Variants in CDH8 observed in about 807,000 individuals in gnomAD.
CDH8 encodes the protein cadherin 8.
A neutral mutation model predicts 68.1 loss-of-function variants in CDH8; 17 were observed. The ratio of observed to expected loss-of-function variants is 0.25; its 90% CI spans 0.17 to 0.37. CDH8 has a LOEUF of 0.37. Among genes scored for constraint, CDH8 ranks in the 10% least tolerant of loss-of-function variants. CDH8 has a pLI of 1.00. For missense variants in CDH8, 763 were observed against 999.3 expected (o/e 0.76, Z 3.19); for synonymous variants, 372 against 365.1 (o/e 1.02, Z -0.21).
intron 4 of CDH8, among the ~76,000 whole-genome samples, chr16:61,844,592 C>G (rs1962765173): frequency 1.3e-5 from 2 of 152,086 alleles, no homozygotes; most frequent in Admixed American, 1.3e-4. Flanking sequence ...TAAGGCAATT[C>G]CCATTTTTAA....
chr16:61,653,217 A>G lies in CDH8; in HGVS notation c.*391T>C, dbSNP rs915352724. ...ATTCATAAAAATCCTTGCAGAAGAC[A>G]CATATCAGCAGCAGATTCCTTGCAG... On this transcript the variant is annotated 3_prime_UTR_variant, in exon 12 of 12. Coordinates refer to ENST00000577390, the MANE Select transcript of CDH8 (RefSeq NM_001796.5). The G allele has an allele frequency of 3.3e-6, 4 of 1,200,226 alleles. No homozygotes were observed. The highest frequency in any genetic ancestry group is 4.1e-6 in the Non-Finnish European group (4 of 969,612). The allele number at this position is 1,200,226 out of a possible 1,614,324, so 74.3% of individuals were successfully genotyped here.
intron 2 of CDH8, among the ~76,000 whole-genome samples, chr16:61,979,518 T>A (rs1342412611): frequency 6.6e-6 from 1 of 152,184 alleles, no homozygotes; most frequent in Non-Finnish European, 1.5e-5. Flanking sequence ...AACCTAGGCA[T>A]CCTTATAAAC....
intron 8 of CDH8, among the ~76,000 whole-genome samples, chr16:61,779,512 C>T (rs1456508602): frequency 6.7e-6 from 1 of 149,004 alleles, no homozygotes; most frequent in East Asian, 2.1e-4. Flanking sequence ...AAGTAAATTC[C>T]TGAAACTCTC....
chr16:61,890,302 A>G (rs1247375987), intron 3 of CDH8, among the ~76,000 whole-genome samples: 3 of 152,326 alleles, frequency 2.0e-5, no homozygotes, highest in South Asian at 2.1e-4. Flanking sequence ...ATAAAACTTA[A>G]GCATTAGCTA....
intron 2 of CDH8, among the ~76,000 whole-genome samples, chr16:62,001,819 C>T (rs1326686801): frequency 6.6e-6 from 1 of 152,138 alleles, no homozygotes; most frequent in Non-Finnish European, 1.5e-5. Flanking sequence ...TATCCCTTCC[C>T]CCTCGCCCTC....
chr16:61,653,553 T>C lies in CDH8; in HGVS notation c.*55A>G. The C allele has an allele frequency of 6.5e-7, 1 of 1,529,974 alleles. No homozygotes were observed. The highest frequency in any genetic ancestry group is 8.8e-7 in the Non-Finnish European group (1 of 1,140,772). The allele number at this position is 1,529,974 out of a possible 1,614,324, so 94.8% of individuals were successfully genotyped here. A position where few individuals can be genotyped will look rare whatever the true frequency, so the allele number is the denominator to read the frequency against. Reference sequence around the variant, plus strand: ...CCACATTGGTTGTATCTAAGGGGAGTGACCCTAGAATATTACAGAATGCTC... The same window carrying C: ...CCACATTGGTTGTATCTAAGGGGAGCGACCCTAGAATATTACAGAATGCTC... On this transcript the variant is annotated 3_prime_UTR_variant, in exon 12 of 12. Transcript: ENST00000577390.
intron 8 of CDH8, among the ~76,000 whole-genome samples, chr16:61,735,548 T>C (rs1596914322): frequency 6.6e-6 from 1 of 152,224 alleles, no homozygotes; most frequent in African/African-American, 2.4e-5. Context: ...TAGTTATATA[T>C]ATATATGTCC....
chr16:61,672,319 T>C (rs1185235711), intron 10 of CDH8, among the ~76,000 whole-genome samples: 1 of 152,134 alleles, frequency 6.6e-6, no homozygotes, highest in Admixed American at 6.6e-5. Context: ...TTCTTTATGA[T>C]GCATATTTCA....
At chr16:61,998,102 A>G (rs374967939) in intron 2 of CDH8, among the ~76,000 whole-genome samples, 1 of 152,204 alleles carries the variant, frequency 6.6e-6, no homozygotes. Flanking sequence ...GAAGTATTTT[A>G]TGGTAATGGA....
At position 61,960,200 on chromosome 16, in the gene CDH8, TACATATATACATGTGTGTGTGTATACAC is replaced by T. The variant is rs1567546089; in HGVS notation, c.253-58755_253-58728del. Among the ~76,000 whole-genome samples, 19 of 68,334 alleles carry T rather than the reference TACATATATACATGTGTGTGTGTATACAC, an allele frequency of 2.8e-4. 3 individuals are homozygous for T. The highest frequency in any genetic ancestry group is 8.0e-4 in the South Asian group (2 of 2,506). The allele number at this position is 68,334 out of a possible 152,430, so 44.8% of individuals were successfully genotyped here. ...ATATACATATGTGTGTGTATACACA[TACATATATACATGTGTGTGTGTATACAC>T]ACATATATACATGTGTGTGTGTATA... On this transcript the variant is annotated intron_variant, in intron 2 of 11. Transcript: ENST00000577390.
intron 10 of CDH8, chr16:61,692,107 CG>C (rs759129853): frequency 2.0e-5 from 3 of 152,162 alleles, no homozygotes; most frequent in Middle Eastern, 6.8e-3. Flanking sequence ...CTGGCATGAA[CG>C]GGGACACAAC....
At chr16:61,818,435 A>C (rs1962131594) in intron 6 of CDH8, among the ~76,000 whole-genome samples, 1 of 152,194 alleles carries the variant, frequency 6.6e-6, no homozygotes, top group Non-Finnish European at 1.5e-5. Flanking sequence ...ATTTAGAAGA[A>C]GAAATTATGT....
At position 61,824,691 on chromosome 16, in the gene CDH8, T is replaced by C. The variant is rs150332173; in HGVS notation, c.835+321A>G. On this transcript the variant is annotated intron_variant, in intron 5 of 11. Coordinates refer to ENST00000577390, the MANE Select transcript of CDH8 (RefSeq NM_001796.5). Reference sequence around the variant, plus strand: ...ACAAATGGGGCTAATAATAGAGCAATATCTGAGCTTCATTTGCATCACCCT... The same window carrying C: ...ACAAATGGGGCTAATAATAGAGCAACATCTGAGCTTCATTTGCATCACCCT... 1.3e-4 allele frequency among the ~76,000 whole-genome samples: 20 copies of C among 151,978 alleles called. No homozygotes were observed. The East Asian group carries it at 3.9e-3, about 30-fold the overall frequency.
rs557431944 is a variant in CDH8 at position 61,978,751 on chromosome 16, T to C, written c.252+42401A>G. Reference sequence around the variant, plus strand: ...TTTTTGGCACAAAGCCTATGCTTTTTCCACTAGACCACCCCTCTTTAGCAG... The same window carrying C: ...TTTTTGGCACAAAGCCTATGCTTTTCCCACTAGACCACCCCTCTTTAGCAG... On this transcript the variant is annotated intron_variant, in intron 2 of 11. Transcript: ENST00000577390. Among the ~76,000 whole-genome samples, 3 of 152,310 alleles carry C rather than the reference T, an allele frequency of 2.0e-5. No homozygotes were observed. In the East Asian group the frequency reaches 5.8e-4, roughly 29 times the overall value.
chr16:61,701,528 T>C (rs987194411), intron 10 of CDH8, among the ~76,000 whole-genome samples: 1 of 152,182 alleles, frequency 6.6e-6, no homozygotes, highest in Non-Finnish European at 1.5e-5. Flanking sequence ...TACATTTGAG[T>C]GATTATGAAT....
chr16:61,722,723 T>C (rs959322986), intron 9 of CDH8, among the ~76,000 whole-genome samples: 1 of 150,824 alleles, frequency 6.6e-6, no homozygotes, highest in African/African-American at 2.4e-5. Flanking sequence ...ATATATATTA[T>C]GTGTCAAGCA....
Position 61,650,706 on chromosome 16 carries a change from T to TGTGAGAGAGAGAGAGAGAGAGA in CDH8, c.*2901_*2902insTCTCTCTCTCTCTCTCTCTCAC, listed in dbSNP as rs745949180. ...GTGTGTGTGTGTGTGTGTGTGTGTGTGAGAGAGAGAGAGAGAGAGAGAGAG... is the reference window on the plus strand; with the variant it reads ...GTGTGTGTGTGTGTGTGTGTGTGTGTGTGAGAGAGAGAGAGAGAGAGAGAGAGAGAGAGAGAGAGAGAGAGAG... On this transcript the variant is annotated 3_prime_UTR_variant, in exon 12 of 12. Coordinates refer to ENST00000577390, the MANE Select transcript of CDH8 (RefSeq NM_001796.5). 6.0e-5 allele frequency: 7 copies of TGTGAGAGAGAGAGAGAGAGAGA among 116,596 alleles called. No individual in the cohort carries two copies. Among genetic ancestry groups the TGTGAGAGAGAGAGAGAGAGAGA allele is most frequent in the Non-Finnish European group, 1.1e-4 (6 of 56,174 alleles). The allele number at this position is 116,596 out of a possible 1,614,324, so 7.2% of individuals were successfully genotyped here. A position where few individuals can be genotyped will look rare whatever the true frequency, so the allele number is the denominator to read the frequency against.
At chr16:61,894,291 G>A (rs937474843) in intron 3 of CDH8, among the ~76,000 whole-genome samples, 1 of 152,122 alleles carries the variant, frequency 6.6e-6, no homozygotes, top group Non-Finnish European at 1.5e-5. Flanking sequence ...TCCACGGTCA[G>A]GTGTGAAAGT....
At chr16:61,803,991 C>T (rs1961730808) in intron 7 of CDH8, among the ~76,000 whole-genome samples, 1 of 130,752 alleles carries the variant, frequency 7.6e-6, no homozygotes, top group Admixed American at 7.7e-5. Flanking sequence ...ACAGAACTCT[C>T]CACCCCAAAT....
Sources: allele counts gnomAD v4.1 joint callset (sites outside exome capture counted in the v4.1 genomes callset), GRCh38; gene constraint gnomAD v4.1.1; transcripts MANE v1.5; gene names NCBI Gene and HGNC (gene_info 2026-07-23, HGNC 2026-07-21).